MEGF11: variants seen among roughly 807,000 people sequenced by gnomAD.
MEGF11 encodes multiple EGF like domains 11, also known as multiple epidermal growth factor-like domains protein 11.
Under a neutral mutation model 146.6 loss-of-function variants are expected in MEGF11, and 126 were observed. The observed-to-expected ratio is 0.86, with a 90% CI of 0.74 to 1.00. MEGF11 has a LOEUF of 1.00. Among genes scored for constraint, MEGF11 ranks in the 50% least tolerant of loss-of-function variants. MEGF11 has a pLI of 0.00. For synonymous variants in MEGF11, 532 were observed against 583.4 expected (o/e 0.91, Z 1.27); for missense variants, 1,509 against 1,521.2 (o/e 0.99, Z 0.13).
chr15:66,105,404 T>C (rs1031834821), intron 4 of MEGF11, among the ~76,000 whole-genome samples: 13 of 152,194 alleles, frequency 8.5e-5, no homozygotes. Context: ...TAGTGCTTTA[T>C]ATAAGTCCAT....
At chr15:66,066,736 T>C (rs796176818) in intron 5 of MEGF11, among the ~76,000 whole-genome samples, 5 of 152,342 alleles carry the variant, frequency 3.3e-5, no homozygotes, top group African/African-American at 1.2e-4. Context: ...GCCTCCTTAA[T>C]GCACCTCCCT....
At chr15:66,184,111 T>G (rs2090628934) in intron 1 of MEGF11, among the ~76,000 whole-genome samples, 2 of 152,088 alleles carry the variant, frequency 1.3e-5, no homozygotes, top group African/African-American at 2.4e-5. Flanking sequence ...AGAAAACTCT[T>G]GGGGGTGATG....
chr15:66,109,179 C>T (rs1431277563), intron 4 of MEGF11, among the ~76,000 whole-genome samples: 1 of 152,166 alleles, frequency 6.6e-6, no homozygotes, highest in African/African-American at 2.4e-5. Flanking sequence ...TCCTTGAACA[C>T]AGCCATCCAT....
At chr15:66,229,644 G>T (rs527912876) in intron 1 of MEGF11, among the ~76,000 whole-genome samples, 2 of 152,282 alleles carry the variant, frequency 1.3e-5, no homozygotes, top group Non-Finnish European at 2.9e-5. Context: ...TTCCGAGGCT[G>T]CATACTCTGA....
intron 3 of MEGF11, among the ~76,000 whole-genome samples, chr15:66,122,665 A>G (rs569073192): frequency 1.2e-4 from 18 of 152,332 alleles, no homozygotes; most frequent in African/African-American, 4.1e-4. Flanking sequence ...TGTGGCTAAT[A>G]TCTCACACTT....
At position 65,895,392 on chromosome 15, in the gene MEGF11, G is replaced by A. The variant is rs1171309807; in HGVS notation, c.*2542C>T. 2 of 152,550 alleles carry A rather than the reference G, an allele frequency of 1.3e-5. No individual in the cohort carries two copies. Among genetic ancestry groups the A allele is most frequent in the African/African-American group, 2.4e-5 (1 of 41,416 alleles). 9.4% of individuals were successfully genotyped at this position (152,550 alleles called of 1,614,324 possible). ...ATCTGTGATTTAAAAAAGTATTGCC[G>A]TTTCATAGTCTCATTAATACCTCTG... On this transcript the variant is annotated 3_prime_UTR_variant, in exon 26 of 26. Transcript: ENST00000395614.
intron 4 of MEGF11, among the ~76,000 whole-genome samples, chr15:66,109,208 C>A (rs1331187684): frequency 2.0e-5 from 3 of 152,126 alleles, no homozygotes; most frequent in African/African-American, 7.2e-5. Context: ...CATCCCTGCA[C>A]ACCCCCCATA....
intron 1 of MEGF11, among the ~76,000 whole-genome samples, chr15:66,133,879 G>A (rs1056867926): frequency 1.3e-5 from 2 of 152,142 alleles, no homozygotes; most frequent in Non-Finnish European, 2.9e-5. Flanking sequence ...AATTCTCAGC[G>A]CCAATGTGGA....
chr15:66,111,301 T>C (rs2140859983), intron 4 of MEGF11, among the ~76,000 whole-genome samples: 1 of 152,136 alleles, frequency 6.6e-6, no homozygotes, highest in East Asian at 1.9e-4. Flanking sequence ...GTCACAGGGG[T>C]TGGTTATAAA....
chr15:66,094,433 C>A lies in MEGF11; in HGVS notation c.363G>T (p.Glu121Asp). 6.4e-7 allele frequency: 1 copy of A among 1,563,736 alleles called. No homozygotes were observed. Among genetic ancestry groups the A allele is most frequent in the Non-Finnish European group, 8.7e-7 (1 of 1,153,306 alleles). ...AGCAGTCGGGCCCTCCCCAGCCAGG[C>A]TCGCAGTGGCAGGTGTCCGGGGAAA... ...RCVSPDTCHC[E>D]PGWGGPDCSS... Residue 121 changes from glutamate (E) to aspartate (D), a missense_variant, in exon 5 of 26, where the codon GAG becomes GAT. Glu to Asp is a conservative substitution (Grantham distance 45). Transcript: ENST00000395614.
At chr15:66,089,672 C>T (rs749414867) in intron 5 of MEGF11, among the ~76,000 whole-genome samples, 1 of 152,188 alleles carries the variant, frequency 6.6e-6, no homozygotes, top group African/African-American at 2.4e-5. Context: ...GGAATTGGCT[C>T]ACGTCCTTCT....
intron 1 of MEGF11, among the ~76,000 whole-genome samples, chr15:66,183,606 A>G (rs994552799): frequency 6.6e-6 from 1 of 152,168 alleles, no homozygotes; most frequent in Admixed American, 6.5e-5. Flanking sequence ...GCTGTTCATG[A>G]CAATGAGTTA....
chr15:66,143,655 T>C (rs985915171), intron 1 of MEGF11, among the ~76,000 whole-genome samples: 3 of 152,186 alleles, frequency 2.0e-5, no homozygotes, highest in Non-Finnish European at 4.4e-5. Flanking sequence ...GACTTTCTTC[T>C]CTCCAGGGAC....
rs548049798 is a variant in MEGF11 at position 66,195,740 on chromosome 15, C to G, written c.-9+57865G>C. Reference sequence around the variant, plus strand: ...TGGTGTTAACCCCTGAACTTCTACACTAGCATGTAGGTTCCCTCAGAGGTC... The same window carrying G: ...TGGTGTTAACCCCTGAACTTCTACAGTAGCATGTAGGTTCCCTCAGAGGTC... On this transcript the variant is annotated intron_variant, in intron 1 of 25. Coordinates refer to ENST00000395614, the MANE Select transcript of MEGF11 (RefSeq NM_001385028.1). Among the ~76,000 whole-genome samples the G allele has an allele frequency of 7.9e-5, 12 of 152,360 alleles. No homozygotes were observed. In the East Asian group the frequency reaches 2.3e-3, roughly 29 times the overall value.
intron 5 of MEGF11, among the ~76,000 whole-genome samples, chr15:66,078,824 C>T (rs551140803): frequency 1.3e-5 from 2 of 152,350 alleles, no homozygotes; most frequent in South Asian, 2.1e-4. Flanking sequence ...CCGCCTCTTG[C>T]CAGTTCTCGA....
chr15:65,959,257 T>C (rs333565), intron 9 of MEGF11, among the ~76,000 whole-genome samples: 95,783 of 152,102 alleles, frequency 0.63, 30,438 homozygotes, highest in Admixed American at 0.68. Flanking sequence ...TTAATATATA[T>C]TTAGAAAATT....
intron 10 of MEGF11, among the ~76,000 whole-genome samples, chr15:65,943,089 C>T (rs1444180072): frequency 6.9e-6 from 1 of 145,818 alleles, no homozygotes; most frequent in Non-Finnish European, 1.5e-5. Context: ...CGGGTTCAAG[C>T]GATTCTCCTG....
chr15:66,191,190 ATCCT>A (rs1176398411), intron 1 of MEGF11, among the ~76,000 whole-genome samples: 2 of 152,172 alleles, frequency 1.3e-5, no homozygotes, highest in Non-Finnish European at 2.9e-5. Context: ...AACAGCAAAA[ATCCT>A]ACTTTGCTAT....
chr15:65,971,194 T>C (rs765908480), intron 7 of MEGF11: 8 of 153,202 alleles, frequency 5.2e-5, no homozygotes, highest in Non-Finnish European at 1.2e-4. Flanking sequence ...AGACAAAGGA[T>C]GTCACACACT....
Sources: gnomAD v4.1 joint callset for allele counts (sites outside exome capture counted in the v4.1 genomes callset) on GRCh38, gnomAD v4.1.1 for gene constraint, MANE v1.5 for transcripts, NCBI Gene and HGNC (gene_info 2026-07-23, HGNC 2026-07-21) for gene names.